Variants in PDGFRA observed in about 807,000 individuals in gnomAD.
PDGFRA encodes platelet-derived growth factor receptor alpha.
PDGFRA carries 25 observed loss-of-function variants against 121.5 expected under a neutral mutation model. The ratio of observed to expected loss-of-function variants is 0.21; its 90% CI spans 0.15 to 0.29. The LOEUF (loss-of-function observed/expected upper bound fraction) is 0.29. PDGFRA is among the 10% of genes least tolerant of loss of function. The pLI is 1.00. For missense variants in PDGFRA, 1,008 were observed against 1,345.1 expected (o/e 0.75, Z 3.92); for synonymous variants, 463 against 494.8 (o/e 0.94, Z 0.85).
chr4:54,261,925 A>G (rs1428301332), intron 3 of PDGFRA, among the ~76,000 whole-genome samples: 2 of 72,646 alleles, frequency 2.8e-5, no homozygotes, highest in Non-Finnish European at 5.1e-5. Flanking sequence ...ATATATATAT[A>G]TATATATTTT....
At chr4:54,253,678 G>A (rs551135312) in intron 1 of PDGFRA, among the ~76,000 whole-genome samples, 90 of 152,132 alleles carry the variant, frequency 5.9e-4, no homozygotes, top group African/African-American at 1.9e-3. Context: ...TGTTATCCCT[G>A]ATTCTTTTTT....
rs773632529 is a variant in PDGFRA at position 54,288,875 on chromosome 4, G to A, written c.2751G>A (p.Lys917=). 2 of 1,610,008 alleles carry A rather than the reference G, an allele frequency of 1.2e-6. No homozygotes were observed. The highest frequency in any genetic ancestry group is 1.7e-6 in the Non-Finnish European group (2 of 1,176,204). Residue 917 remains lysine, a synonymous_variant, in exon 20 of 23, where the codon AAG becomes AAA. Coordinates refer to ENST00000257290, the MANE Select transcript of PDGFRA (RefSeq NM_006206.6). ...TCAAGAGTGGGTACCGGATGGCCAA[G>A]CCTGACCACGCTACCAGTGAAGTGT... is the stretch of plus-strand genomic sequence containing the variant. ...NKIKSGYRMA[K]PDHATSEVYE...
chr4:54,273,436 C>G, intron 9 of PDGFRA, 101 bp from the exon 10 acceptor site: 1 of 907,738 alleles, frequency 1.1e-6, no homozygotes, highest in Non-Finnish European at 1.8e-6. Flanking sequence ...GAAATGCAGA[C>G]AAGGTCCCAA....
At chr4:54,249,805 T>G (rs1454765064) in intron 1 of PDGFRA, among the ~76,000 whole-genome samples, 2 of 151,868 alleles carry the variant, frequency 1.3e-5, no homozygotes, top group Admixed American at 6.6e-5. Context: ...ATAAAAAAAT[T>G]TTTAAAAAAT....
At chr4:54,244,837 C>G (rs1721533223) in intron 1 of PDGFRA, among the ~76,000 whole-genome samples, 2 of 152,082 alleles carry the variant, frequency 1.3e-5, no homozygotes, top group African/African-American at 4.8e-5. Context: ...TTAGACGAAT[C>G]TATAACTAGA....
At chr4:54,264,351 G>A in intron 4 of PDGFRA, 1 of 277,506 alleles carries the variant, frequency 3.6e-6, no homozygotes, top group Non-Finnish European at 6.8e-6. Context: ...AGTACGCTTG[G>A]GGAAGTATAA....
chr4:54,229,505 T>C (rs1224892378), intron 1 of PDGFRA, 90 bp downstream of exon 1: 1 of 378,656 alleles, frequency 2.6e-6, no homozygotes, highest in African/African-American at 2.3e-5. Context: ...CTTCAAACTT[T>C]GGGCGACAAG....
At chr4:54,284,350 C>A (rs1198193525) in intron 16 of PDGFRA, among the ~76,000 whole-genome samples, 1 of 152,110 alleles carries the variant, frequency 6.6e-6, no homozygotes, top group Non-Finnish European at 1.5e-5. Flanking sequence ...TTCCTTGATA[C>A]CAATTTTCTC....
intron 2 of PDGFRA, among the ~76,000 whole-genome samples, chr4:54,260,397 G>GTTTTTT (rs68009440): frequency 3.1e-5 from 2 of 64,602 alleles, no homozygotes; most frequent in African/African-American, 1.4e-4. Flanking sequence ...TTCCATGTGG[G>GTTTTTT]TTTTTTTTTT....
In PDGFRA at chr4:54,284,760, A is replaced by C. The variant is rs181612035; in HGVS notation, c.2324-611A>C. Reference sequence around the variant, plus strand: ...CCAATACTGGGGATTACACTTCAACATGAGATTTGGGTGGGGACACATATC... The same window carrying C: ...CCAATACTGGGGATTACACTTCAACCTGAGATTTGGGTGGGGACACATATC... On this transcript the variant is annotated intron_variant, in intron 16 of 22. Transcript: ENST00000257290. Among the ~76,000 whole-genome samples, 516 of 151,302 alleles carry C rather than the reference A, an allele frequency of 3.4e-3. 1 individual carries two copies. The highest frequency in any genetic ancestry group is 0.012 in the African/African-American group (491 of 41,220).
chr4:54,264,329 A>G, intron 4 of PDGFRA: 2 of 310,086 alleles, frequency 6.4e-6, no homozygotes, highest in Non-Finnish European at 1.2e-5. Context: ...CAACCCTTTG[A>G]TGTCCACAGT....
rs1724831379 is a variant in PDGFRA, at chr4:54,295,284, G to A, written c.*12G>A. 5.6e-6 allele frequency: 9 copies of A among 1,613,730 alleles called. No individual in the cohort carries two copies. In the East Asian group the frequency reaches 6.7e-5, roughly 12 times the overall value. ...ACAGCTTCCTGTAACTGGCGGATTC[G>A]AGGGGTTCCTTCCACTTCTGGGGCC... On this transcript the variant is annotated 3_prime_UTR_variant, in exon 23 of 23. Transcript: ENST00000257290.
At chr4:54,255,871 T>C (rs1722338200) in intron 1 of PDGFRA, among the ~76,000 whole-genome samples, 1 of 152,128 alleles carries the variant, frequency 6.6e-6, no homozygotes, top group Admixed American at 6.5e-5. Flanking sequence ...TATGTATACG[T>C]ATTTTAGCTT....
chr4:54,267,982 A>G (rs950299392), intron 7 of PDGFRA, among the ~76,000 whole-genome samples: 1 of 152,234 alleles, frequency 6.6e-6, no homozygotes, highest in African/African-American at 2.4e-5. Flanking sequence ...CTGGGGAAAG[A>G]CAGGTCACTG....
chr4:54,267,809 GTGTCT>G, intron 7 of PDGFRA, 68 bp downstream of exon 7: 1 of 1,342,536 alleles, frequency 7.4e-7, no homozygotes, highest in East Asian at 2.4e-5. Context: ...AGGTTTGTGT[GTGTCT>G]TACAACCCAG....
chr4:54,246,557 A>G (rs1721677945), intron 1 of PDGFRA, among the ~76,000 whole-genome samples: 1 of 152,166 alleles, frequency 6.6e-6, no homozygotes, highest in Admixed American at 6.5e-5. Context: ...TCTGGGACAC[A>G]TTCAAAGCAG....
In PDGFRA at chr4:54,285,388, C is replaced by A. The variant is rs757362953; in HGVS notation, c.2341C>A (p.Leu781Ile). 14 of 1,474,812 alleles carry A rather than the reference C, an allele frequency of 9.5e-6. No homozygotes were observed. The highest frequency in any genetic ancestry group is 1.7e-4 in the Middle Eastern group (1 of 5,844). The allele number at this position is 1,474,812 out of a possible 1,614,324, so 91.4% of individuals were successfully genotyped here. ...KSMLDSEVKN[L>I]LSDDNSEGLT... Reference sequence around the variant, plus strand: ...TTCTGCAGACTCAGAAGTCAAAAACCTCCTTTCAGATGATAACTCAGAAGG... The same window carrying A: ...TTCTGCAGACTCAGAAGTCAAAAACATCCTTTCAGATGATAACTCAGAAGG... Residue 781 changes from leucine (L) to isoleucine (I), a missense_variant, in exon 17 of 23, where the codon CTC becomes ATC. This residue lies in a region of PDGFRA where 128 missense variants were observed against 147.6 expected (regional missense o/e 0.87). Transcript: ENST00000257290.
At chr4:54,231,598 T>G (rs1384432546) in intron 1 of PDGFRA, among the ~76,000 whole-genome samples, 1 of 152,196 alleles carries the variant, frequency 6.6e-6, no homozygotes, top group East Asian at 1.9e-4. Context: ...CTCCTCGGCC[T>G]CCTCCTTTCC....
chr4:54,275,590 A>T (rs1425750530), intron 12 of PDGFRA, among the ~76,000 whole-genome samples: 1 of 152,224 alleles, frequency 6.6e-6, no homozygotes, highest in Non-Finnish European at 1.5e-5. Flanking sequence ...ATGAAAGTAG[A>T]GGTAGAGGTT....
Sources: allele counts gnomAD v4.1 joint callset (sites outside exome capture counted in the v4.1 genomes callset), GRCh38; gene constraint gnomAD v4.1.1; regional missense constraint gnomAD v4.1.1; transcripts MANE v1.5; gene names NCBI Gene and HGNC (gene_info 2026-07-23, HGNC 2026-07-21).